Variants in PARP14 observed in about 807,000 individuals in gnomAD.
PARP14 encodes protein mono-ADP-ribosyltransferase PARP14.
A neutral mutation model predicts 154.2 loss-of-function variants in PARP14; 59 were observed. The ratio of observed to expected loss-of-function variants is 0.38; its 90% confidence interval spans 0.31 to 0.48. The LOEUF is 0.48. Ranked by LOEUF, PARP14 falls within the 20% of genes least tolerant of loss-of-function variation. The pLI is 0.98. For synonymous variants in PARP14, 720 were observed against 780.5 expected (o/e 0.92, Z 1.29); for missense variants, 1,734 against 2,131.6 (o/e 0.81, Z 3.67).
Position 122,684,424 on chromosome 3 carries a change from T to C in PARP14, c.188-761T>C, listed in dbSNP as rs148850189. On this transcript the variant is annotated intron_variant, in intron 1 of 16. Transcript: ENST00000474629. ...CTCACATCTGCGTAGTTCTTGAGGATGTTACAGTGTGCATTCATGGACACC... is the reference window on the plus strand; with the variant it reads ...CTCACATCTGCGTAGTTCTTGAGGACGTTACAGTGTGCATTCATGGACACC... Among the ~76,000 whole-genome samples the C allele has an allele frequency of 3.8e-3, 576 of 152,296 alleles. 5 individuals carry two copies. The highest frequency in any genetic ancestry group is 0.012 in the African/African-American group (514 of 41,552).
chr3:122,682,427 G>A (rs958394945), intron 1 of PARP14, among the ~76,000 whole-genome samples: 5 of 152,128 alleles, frequency 3.3e-5, no homozygotes, highest in Admixed American at 6.5e-5. Flanking sequence ...AGTGAATGTG[G>A]GGTGGGTGGG....
chr3:122,685,936 A>G (rs1576579357), intron 2 of PARP14, among the ~76,000 whole-genome samples: 2 of 152,094 alleles, frequency 1.3e-5, no homozygotes, highest in African/African-American at 4.8e-5. Context: ...GTAACCTGTT[A>G]TATTTGTTTT....
rs143084166 is a variant in PARP14 at position 122,725,765 on chromosome 3, C to G, written c.4942-2047C>G. On this transcript the variant is annotated intron_variant, in intron 15 of 16. Coordinates refer to ENST00000474629, the MANE Select transcript of PARP14 (RefSeq NM_017554.3). ...AATCTTTTATCTTTTAACTAGAGTA[C>G]TTAATCTTACTTACTGTACTTACTG... is the stretch of plus-strand genomic sequence containing the variant. Among the ~76,000 whole-genome samples, 293 of 152,246 alleles carry G rather than the reference C, an allele frequency of 1.9e-3. 2 individuals are homozygous for G. Among genetic ancestry groups the G allele is most frequent in the African/African-American group, 6.4e-3 (268 of 41,562 alleles).
chr3:122,711,688 C>T (rs1939323172), intron 9 of PARP14, among the ~76,000 whole-genome samples: 1 of 152,068 alleles, frequency 6.6e-6, no homozygotes, highest in South Asian at 2.1e-4. Flanking sequence ...TGGTAGAATT[C>T]AGCTGTGAAT....
intron 1 of PARP14, among the ~76,000 whole-genome samples, chr3:122,682,827 T>C (rs1321518538): frequency 1.3e-5 from 2 of 152,010 alleles, no homozygotes; most frequent in East Asian, 1.9e-4. Flanking sequence ...CTGAGGCAGG[T>C]GGATGACGAG....
At chr3:122,714,209 A>C in intron 11 of PARP14, 53 bp from the exon 12 acceptor site, 1 of 1,479,638 alleles carries the variant, frequency 6.8e-7, no homozygotes, top group Non-Finnish European at 9.1e-7. Flanking sequence ...TTTCTAAACA[A>C]ATGACGGGTT....
At position 122,699,837 on chromosome 3, in the gene PARP14, C is replaced by T. The variant is rs1560060229; in HGVS notation, c.1283C>T (p.Thr428Ile). The change falls in exon 6 of 17, where the codon ACA becomes ATA. Residue 428 changes from threonine to isoleucine, a missense_variant. Around this residue, in one of 2 missense-constraint regions of PARP14, gnomAD observed 1,646 missense variants for 1,976.0 expected, o/e 0.83. Transcript: ENST00000474629. The part of the protein sequence containing the change: ...KDDRILIEFD[T>I]LKEMVILAGK... ...GACAGGATTTTGATTGAGTTTGATA[C>T]ACTTAAGGAGATGGTAATCTTAGCA... 6.2e-7 allele frequency: 1 copy of T among 1,613,798 alleles called. No individual in the cohort carries two copies. The highest frequency in any genetic ancestry group is 1.1e-5 in the South Asian group (1 of 91,080).
intron 9 of PARP14, among the ~76,000 whole-genome samples, chr3:122,711,543 GT>G (rs915361939): frequency 7.9e-5 from 12 of 151,138 alleles, no homozygotes; most frequent in East Asian, 3.9e-4. Context: ...TTGGTCTGTA[GT>G]TTTTTTTTGT....
chr3:122,724,943 GT>G (rs1553749390), intron 15 of PARP14, among the ~76,000 whole-genome samples: 1 of 152,198 alleles, frequency 6.6e-6, no homozygotes, highest in Non-Finnish European at 1.5e-5. Flanking sequence ...CACAGCACAT[GT>G]TTCAGAGAGC....
At chr3:122,728,237 T>G in intron 16 of PARP14, 71 bp from the exon 17 acceptor site, 1 of 1,332,624 alleles carries the variant, frequency 7.5e-7, no homozygotes. Context: ...GAACATTATT[T>G]AACAGATTGG....
Position 122,714,271 on chromosome 3 carries a change from G to A in PARP14, c.3842G>A (p.Arg1281His), listed in dbSNP as rs774664986. Residue 1281 changes from arginine to histidine, a missense_variant, in exon 12 of 17, where the codon CGC becomes CAC. By Grantham distance (29) the Arg-to-His change is conservative. This residue lies in a region of PARP14 where 1,646 missense variants were observed against 1,976.0 expected (regional missense o/e 0.83). Coordinates refer to ENST00000474629, the MANE Select transcript of PARP14 (RefSeq NM_017554.3). ...TGTCTGTGTTTCCCAGCTCAGCAGC[G>A]CAAAAATGATTATATAATCACCGGA... Reference protein sequence around the residue: ...ERECSQQAQQRKNDYIITGGG... With the variant: ...ERECSQQAQQHKNDYIITGGG... The A allele has an allele frequency of 1.0e-5, 16 of 1,594,262 alleles. No individual in the cohort carries two copies. Among genetic ancestry groups the A allele is most frequent in the African/African-American group, 2.7e-5 (2 of 73,314 alleles).
intron 3 of PARP14, among the ~76,000 whole-genome samples, chr3:122,691,793 G>T (rs1938548064): frequency 6.6e-6 from 1 of 152,078 alleles, no homozygotes; most frequent in Admixed American, 6.5e-5. Context: ...ATATAAGGCA[G>T]GTTCCTCAAA....
At chr3:122,682,659 T>C (rs75628925) in intron 1 of PARP14, among the ~76,000 whole-genome samples, 27 of 152,282 alleles carry the variant, frequency 1.8e-4, no homozygotes, top group East Asian at 1.5e-3. Context: ...CTTCCATCCT[T>C]GACCGGCCCC....
At chr3:122,686,406 T>G (rs1363912708) in intron 2 of PARP14, among the ~76,000 whole-genome samples, 1 of 151,880 alleles carries the variant, frequency 6.6e-6, no homozygotes, top group Non-Finnish European at 1.5e-5. Context: ...CCACTTGCCT[T>G]GGCCTCCCAA....
chr3:122,704,037 G>A (rs1205293228), intron 7 of PARP14, 59 bp downstream of exon 7: 15 of 1,115,140 alleles, frequency 1.3e-5, no homozygotes, highest in Non-Finnish European at 2.7e-6. Flanking sequence ...TCTCCTTTTA[G>A]TAGCATATTA....
intron 10 of PARP14, 37 bp from the exon 11 acceptor site, chr3:122,713,835 T>A: frequency 6.9e-7 from 1 of 1,448,746 alleles, no homozygotes; most frequent in Non-Finnish European, 9.7e-7. Context: ...AGTGGTTTTT[T>A]ACTCATGTTT....
In PARP14 at chr3:122,700,652, G is replaced by C; in HGVS notation, c.2098G>C (p.Val700Leu). 3.7e-6 allele frequency: 6 copies of C among 1,607,166 alleles called. No homozygotes were observed. The highest frequency in any genetic ancestry group is 5.1e-6 in the Non-Finnish European group (6 of 1,176,448). ...GCTATTCTGGCCAAAGATAAAGAAGGTAAATGTGCAGGTAAGTTTCAATCC... is the reference window on the plus strand; with the variant it reads ...GCTATTCTGGCCAAAGATAAAGAAGCTAAATGTGCAGGTAAGTTTCAATCC... ...KKLFWPKIKK[V>L]NVQVSFNPEN... The change falls in exon 6 of 17, where the codon GTA becomes CTA. Residue 700 changes from valine to leucine, a missense_variant. By Grantham distance (32) the Val-to-Leu change is conservative (BLOSUM62 1). Transcript: ENST00000474629.
Position 122,701,542 on chromosome 3 carries a change from G to C in PARP14, c.2988G>C (p.Ala996=). ...CGCCAGGTTTACCACCAGCAGCAGC[G>C]GGGCCTGGGAAAACATCATGGGAAA... The part of the protein sequence containing the change: ...AAPPGLPPAA[A]GPGKTSWEKG... The change falls in exon 6 of 17, where the codon GCG becomes GCC. Residue 996 remains alanine, a synonymous_variant. Transcript: ENST00000474629. The surrounding 1 kb of genome is among the most constrained non-coding windows in gnomAD (Gnocchi z 4.0). The C allele has an allele frequency of 6.2e-7, 1 of 1,611,556 alleles. No individual in the cohort carries two copies. Among genetic ancestry groups the C allele is most frequent in the Non-Finnish European group, 8.5e-7 (1 of 1,178,660 alleles).
At chr3:122,718,312 A>C in intron 13 of PARP14, 35 bp downstream of exon 13, 1 of 1,612,694 alleles carries the variant, frequency 6.2e-7, no homozygotes, top group Non-Finnish European at 8.5e-7. Flanking sequence ...GCATGTTCAT[A>C]ACGTTGATGT....
Sources: gnomAD v4.1 joint callset for allele counts (sites outside exome capture counted in the v4.1 genomes callset) on GRCh38, gnomAD v4.1.1 for gene constraint, gnomAD v4.1.1 regional missense constraint, Gnocchi (gnomAD v3.1) non-coding constraint, MANE v1.5 for transcripts, NCBI Gene and HGNC (gene_info 2026-07-23, HGNC 2026-07-21) for gene names.